The following NXPH1 variants were observed in gnomAD, a reference collection of about 807,000 sequenced individuals.
The protein encoded by NXPH1 is neurexophilin 1.
Under a neutral mutation model 23.7 loss-of-function variants are expected in NXPH1, and 5 were observed. That is an observed-to-expected ratio of 0.21 (90% CI 0.11 to 0.44). The LOEUF is 0.44. Among genes scored for constraint, NXPH1 ranks in the 20% least tolerant of loss-of-function variants. The pLI, the probability that NXPH1 is intolerant of heterozygous loss-of-function variation, is 0.99. For synonymous variants in NXPH1, 144 were observed against 122.2 expected (o/e 1.18, Z -1.18); for missense variants, 324 against 321.6 (o/e 1.01, Z -0.06).
intron 2 of NXPH1, among the ~76,000 whole-genome samples, chr7:8,550,564 AT>A (rs1335636263): frequency 6.6e-6 from 1 of 151,546 alleles, no homozygotes; most frequent in Admixed American, 6.6e-5. Context: ...TAAAAATAGT[AT>A]TACTTTATAT....
intron 2 of NXPH1, among the ~76,000 whole-genome samples, chr7:8,639,506 C>G (rs561059761): frequency 6.6e-6 from 1 of 151,694 alleles, no homozygotes; most frequent in African/African-American, 2.4e-5. Flanking sequence ...AAATTTTTGC[C>G]GATTTGTTGG....
At chr7:8,738,816 C>G (rs551005591) in intron 2 of NXPH1, among the ~76,000 whole-genome samples, 1 of 152,178 alleles carries the variant, frequency 6.6e-6, no homozygotes, top group Non-Finnish European at 1.5e-5. Context: ...TCAGAGATGC[C>G]CTGACCAGGG....
intron 2 of NXPH1, among the ~76,000 whole-genome samples, chr7:8,631,845 T>C (rs532833409): frequency 2.1e-4 from 32 of 152,304 alleles, no homozygotes; most frequent in African/African-American, 7.7e-4. Context: ...GAAGTGTTGT[T>C]AGGACACAGC....
chr7:8,729,815 T>C (rs1780118791), intron 2 of NXPH1, among the ~76,000 whole-genome samples: 1 of 152,062 alleles, frequency 6.6e-6, no homozygotes. Context: ...ATGTATATTC[T>C]GTTGATTTGG....
rs572485724 is a variant in NXPH1, at chr7:8,516,710, C to A, written c.54+80943C>A. ...ATTAAGAGGAGGTAGAACTCTGGAG[C>A]CTTTTGAGTTTAGAACTTTAGTGAG... On this transcript the variant is annotated intron_variant, in intron 2 of 2. Transcript: ENST00000405863. Among the ~76,000 whole-genome samples, 8 of 152,152 alleles carry A rather than the reference C, an allele frequency of 5.3e-5. No homozygotes were observed. The East Asian group carries it at 1.2e-3, about 22-fold the overall frequency.
rs147145157 is a variant in NXPH1, at chr7:8,544,741, G to C, written c.54+108974G>C. On this transcript the variant is annotated intron_variant, in intron 2 of 2. Transcript: ENST00000405863. ...GTAGAGCATTATGTTATGGTATAAA[G>C]AGTGGTTTTCATCATTTACAAACCA... Among the ~76,000 whole-genome samples, 643 of 151,714 alleles carry C rather than the reference G, an allele frequency of 4.2e-3. 2 individuals are homozygous for C. Among genetic ancestry groups the C allele is most frequent in the African/African-American group, 0.015 (619 of 41,494 alleles).
chr7:8,657,950 C>A (rs1820607328), intron 2 of NXPH1, among the ~76,000 whole-genome samples: 1 of 152,216 alleles, frequency 6.6e-6, no homozygotes. Flanking sequence ...ATTGCTTGAA[C>A]TCGGGAGGCG....
At chr7:8,540,451 C>T (rs12667696) in intron 2 of NXPH1, among the ~76,000 whole-genome samples, 54,295 of 151,488 alleles carry the variant, frequency 0.36, 10,456 homozygotes, top group Middle Eastern at 0.59. Context: ...AGGTGAGCCC[C>T]ACAGTTTCCC....
intron 2 of NXPH1, among the ~76,000 whole-genome samples, chr7:8,470,486 C>A (rs1267092180): frequency 6.6e-6 from 1 of 152,122 alleles, no homozygotes; most frequent in African/African-American, 2.4e-5. Context: ...TTGCTTGAAG[C>A]TGAATCACTT....
intron 2 of NXPH1, among the ~76,000 whole-genome samples, chr7:8,665,559 C>T (rs1820746985): frequency 1.3e-5 from 2 of 151,738 alleles, no homozygotes; most frequent in African/African-American, 4.8e-5. Context: ...GGGAAAAATA[C>T]CATTGGGATA....
chr7:8,726,068 A>G (rs1780047702), intron 2 of NXPH1, among the ~76,000 whole-genome samples: 1 of 152,202 alleles, frequency 6.6e-6, no homozygotes, highest in Non-Finnish European at 1.5e-5. Flanking sequence ...TATCAAAAAT[A>G]TCAAAGTCAT....
chr7:8,463,467 G>T (rs911468214), intron 2 of NXPH1, among the ~76,000 whole-genome samples: 1 of 151,682 alleles, frequency 6.6e-6, no homozygotes, highest in African/African-American at 2.4e-5. Context: ...TAAATTCTTG[G>T]AAGTGAACTT....
intron 2 of NXPH1, among the ~76,000 whole-genome samples, chr7:8,729,690 C>A (rs1349120060): frequency 2.0e-5 from 3 of 148,338 alleles, no homozygotes; most frequent in South Asian, 2.2e-4. Context: ...TTTGATTGCA[C>A]TGTGGTCTGA....
intron 2 of NXPH1, among the ~76,000 whole-genome samples, chr7:8,525,038 GA>G (rs1257888957): frequency 5.3e-5 from 8 of 152,208 alleles, no homozygotes; most frequent in Non-Finnish European, 1.5e-5. Flanking sequence ...GAAGGGCTCA[GA>G]AGAAGACAGG....
At chr7:8,735,976 G>C (rs957481736) in intron 2 of NXPH1, among the ~76,000 whole-genome samples, 1 of 152,050 alleles carries the variant, frequency 6.6e-6, no homozygotes, top group African/African-American at 2.4e-5. Flanking sequence ...GGGATCAGTG[G>C]TGATATCCCC....
At chr7:8,698,644 G>T (rs1779573354) in intron 2 of NXPH1, among the ~76,000 whole-genome samples, 1 of 152,096 alleles carries the variant, frequency 6.6e-6, no homozygotes, top group Admixed American at 6.5e-5. Flanking sequence ...CAGTATCTAT[G>T]AATTTTATTT....
At chr7:8,587,710 C>T (rs1221537457) in intron 2 of NXPH1, among the ~76,000 whole-genome samples, 2 of 151,994 alleles carry the variant, frequency 1.3e-5, no homozygotes, top group Non-Finnish European at 2.9e-5. Flanking sequence ...TGTTCAACTC[C>T]CACTTATGAG....
intron 2 of NXPH1, among the ~76,000 whole-genome samples, chr7:8,619,543 A>T (rs899308406): frequency 6.6e-6 from 1 of 152,136 alleles, no homozygotes; most frequent in African/African-American, 2.4e-5. Context: ...GGCTAACCTC[A>T]TTTTACCCAT....
At chr7:8,744,064 GTCCTAGGTATGC>G (rs1458001526) in intron 2 of NXPH1, among the ~76,000 whole-genome samples, 2 of 152,142 alleles carry the variant, frequency 1.3e-5, no homozygotes, top group Non-Finnish European at 2.9e-5. Context: ...CTCAGTTTCT[GTCCTAGGTATGC>G]TCCTTTGATG....
Sources: allele counts gnomAD v4.1 joint callset (sites outside exome capture counted in the v4.1 genomes callset), GRCh38; gene constraint gnomAD v4.1.1; transcripts MANE v1.5; gene names NCBI Gene and HGNC (gene_info 2026-07-23, HGNC 2026-07-21).